Variants in PRICKLE2 observed in about 807,000 individuals in gnomAD.
PRICKLE2 encodes the protein prickle planar cell polarity protein 2.
In PRICKLE2, 21 loss-of-function variants were observed where a neutral mutation model predicts 81.4. The ratio of observed to expected loss-of-function variants is 0.26; its 90% CI spans 0.18 to 0.37. The LOEUF (loss-of-function observed/expected upper bound fraction) is 0.37. Among genes scored for constraint, PRICKLE2 ranks in the 10% least tolerant of loss-of-function variants. PRICKLE2 has a pLI of 1.00. For synonymous variants in PRICKLE2, 456 were observed against 421.5 expected (o/e 1.08, Z -1.00); for missense variants, 940 against 1,109.0 (o/e 0.85, Z 2.16).
At chr3:64,157,122 G>A (rs1009694309) in intron 5 of PRICKLE2, 40 bp downstream of exon 5, 1 of 1,569,788 alleles carries the variant, frequency 6.4e-7, no homozygotes, top group Non-Finnish European at 8.8e-7. Flanking sequence ...GTGCAATGAA[G>A]GGGTGATGGG....
chr3:64,095,504 A>C lies in PRICKLE2; in HGVS notation c.*3547T>G, dbSNP rs558971573. 1 of 152,262 alleles carries C rather than the reference A, an allele frequency of 6.6e-6. No individual in the cohort carries two copies. Among genetic ancestry groups the C allele is most frequent in the Admixed American group, 6.5e-5 (1 of 15,278 alleles). 9.4% of individuals were successfully genotyped at this position (152,262 alleles called of 1,614,324 possible). On this transcript the variant is annotated 3_prime_UTR_variant, in exon 8 of 8. Transcript: ENST00000638394. ...CTGCATCCACATTCTCAGCAAGAGT[A>C]TACAGTGATGCATTGGTTGTATCTG...
At chr3:64,178,995 C>CTTTCTTTCTTTA (rs2078074847) in intron 2 of PRICKLE2, among the ~76,000 whole-genome samples, 4 of 147,010 alleles carry the variant, frequency 2.7e-5, no homozygotes, top group Non-Finnish European at 4.5e-5. Flanking sequence ...TTCTTTCTTT[C>CTTTCTTTCTTTA]TTTCTTTCTT....
rs2078512615 is a variant in PRICKLE2, at chr3:64,198,840, A to G, written c.88T>C (p.Ser30Pro). 1.2e-6 allele frequency: 2 copies of G among 1,614,168 alleles called. No individual in the cohort carries two copies. The highest frequency in any genetic ancestry group is 1.7e-6 in the Non-Finnish European group (2 of 1,180,020). Residue 30 changes from serine to proline, a missense_variant, in exon 2 of 8, where the codon TCA becomes CCA. By Grantham distance (74) the Ser-to-Pro change is moderately conservative. Transcript: ENST00000638394. ...FQRNSTSDDD[S>P]GCALEEYAWV... ...GCATACTCTTCCAAAGCACAGCCTG[A>G]GTCATCATCTGAGGTCGAGTTCCTC...
Position 64,176,879 on chromosome 3 carries a change from G to A in PRICKLE2, c.145-13750C>T, listed in dbSNP as rs187191200. Among the ~76,000 whole-genome samples, 261 of 152,160 alleles carry A rather than the reference G, an allele frequency of 1.7e-3. 3 individuals are homozygous for A. The highest frequency in any genetic ancestry group is 2.9e-4 in the African/African-American group (12 of 41,522). On this transcript the variant is annotated intron_variant, in intron 2 of 7. Transcript: ENST00000638394. ...AATTCAGTCTTTCCAGTTCCAAAAC[G>A]CCAAAAGATCAGTGAAGGTAATATC...
chr3:64,202,939 C>G, intron 1 of PRICKLE2, among the ~76,000 whole-genome samples: 1 of 152,114 alleles, frequency 6.6e-6, no homozygotes, highest in East Asian at 1.9e-4. Flanking sequence ...AGGAAGTTCT[C>G]TTCTATGCTA....
chr3:64,145,347 T>G (rs2077431267), intron 7 of PRICKLE2: 1 of 143,960 alleles, frequency 6.9e-6, no homozygotes, highest in Non-Finnish European at 1.5e-5. Context: ...ATATATATTA[T>G]ATATGATATA....
At chr3:64,123,987 C>T (rs1035249304) in intron 7 of PRICKLE2, among the ~76,000 whole-genome samples, 8 of 152,142 alleles carry the variant, frequency 5.3e-5, no homozygotes, top group Non-Finnish European at 8.8e-5. Flanking sequence ...GAGGAAGACA[C>T]GTTGAAAGTC....
chr3:64,201,020 C>G lies in PRICKLE2; in HGVS notation c.-40-2053G>C, dbSNP rs1177703006. 2.0e-5 allele frequency: 3 copies of G among 151,532 alleles called. No homozygotes were observed. In the East Asian group the frequency reaches 5.9e-4, roughly 30 times the overall value. The allele number at this position is 151,532 out of a possible 1,614,324, so 9.4% of individuals were successfully genotyped here. A position where few individuals can be genotyped will look rare whatever the true frequency, so the allele number is the denominator to read the frequency against. Reference sequence around the variant, plus strand: ...TCTCGGCTCACTGCAAGCTCCACCTCCTGGGTTCGTGCCATTCTCATGCCT... The same window carrying G: ...TCTCGGCTCACTGCAAGCTCCACCTGCTGGGTTCGTGCCATTCTCATGCCT... On this transcript the variant is annotated intron_variant, in intron 1 of 7. Coordinates refer to ENST00000638394, the MANE Select transcript of PRICKLE2 (RefSeq NM_198859.4).
intron 2 of PRICKLE2, among the ~76,000 whole-genome samples, chr3:64,258,899 A>C (rs901127210): frequency 6.6e-6 from 1 of 151,152 alleles, no homozygotes; most frequent in African/African-American, 2.4e-5. Flanking sequence ...GAAAGAAATC[A>C]GGAGAGTGGT....
chr3:64,153,678 C>T (rs1203008941), intron 5 of PRICKLE2: 3 of 363,452 alleles, frequency 8.3e-6, no homozygotes, highest in South Asian at 2.8e-5. Context: ...CTCACAGGCA[C>T]ATTGGACATA....
chr3:64,173,981 G>A (rs1014250521), intron 2 of PRICKLE2, among the ~76,000 whole-genome samples: 4 of 152,138 alleles, frequency 2.6e-5, no homozygotes, highest in African/African-American at 9.7e-5. Context: ...TTTTCTCAAA[G>A]TAAAGAGGAT....
At chr3:64,216,797 C>T (rs1313621691) in intron 1 of PRICKLE2, among the ~76,000 whole-genome samples, 1 of 152,140 alleles carries the variant, frequency 6.6e-6, no homozygotes, top group Non-Finnish European at 1.5e-5. Flanking sequence ...GAGAGAGGAG[C>T]ACGTGAATTC....
At chr3:64,151,695 A>G (rs753562) in intron 6 of PRICKLE2, among the ~76,000 whole-genome samples, 73,530 of 152,018 alleles carry the variant, frequency 0.48, 18,568 homozygotes, top group Admixed American at 0.56. Flanking sequence ...AAGACATTGC[A>G]CCATTTTCCC....
intron 2 of PRICKLE2, among the ~76,000 whole-genome samples, chr3:64,264,946 C>T (rs971738944): frequency 6.6e-6 from 1 of 152,128 alleles, no homozygotes; most frequent in Non-Finnish European, 1.5e-5. Context: ...TTCTCAAAGG[C>T]CTCTGGGCTA....
intron 1 of PRICKLE2, among the ~76,000 whole-genome samples, chr3:64,207,258 T>C (rs1420419881): frequency 6.6e-6 from 1 of 152,160 alleles, no homozygotes; most frequent in Non-Finnish European, 1.5e-5. Context: ...ATTATACTTA[T>C]TATAAAGTTA....
Position 64,139,397 on chromosome 3 carries a change from C to T in PRICKLE2, c.1660+7433G>A, listed in dbSNP as rs185969253. Among the ~76,000 whole-genome samples the T allele has an allele frequency of 5.0e-4, 76 of 152,362 alleles. 1 individual carries two copies. In the East Asian group the frequency reaches 0.011, roughly 22 times the overall value. On this transcript the variant is annotated intron_variant, in intron 7 of 7. Transcript: ENST00000638394. ...TTTCCTCTGTCTCCCAGGACCCACT[C>T]CCCTTGGGACACTGTAAACCTCTGC...
chr3:64,183,605 A>G (rs529503808), intron 2 of PRICKLE2, among the ~76,000 whole-genome samples: 20 of 152,342 alleles, frequency 1.3e-4, no homozygotes, highest in South Asian at 1.2e-3. Flanking sequence ...AAAGGCAAAA[A>G]TTATGAAAGC....
chr3:64,148,110 A>C (rs761828638), intron 6 of PRICKLE2, among the ~76,000 whole-genome samples: 38 of 152,338 alleles, frequency 2.5e-4, no homozygotes, highest in African/African-American at 8.9e-4. Context: ...TTCACATGAG[A>C]AAGTAGAGGC....
chr3:64,244,166 T>C (rs2079311866), intron 2 of PRICKLE2, among the ~76,000 whole-genome samples: 1 of 152,184 alleles, frequency 6.6e-6, no homozygotes, highest in South Asian at 2.1e-4. Context: ...AGTTACCGTA[T>C]TTTGGCCTTG....
Sources: gnomAD v4.1 joint callset for allele counts (sites outside exome capture counted in the v4.1 genomes callset) on GRCh38, gnomAD v4.1.1 for gene constraint, MANE v1.5 for transcripts, NCBI Gene and HGNC (gene_info 2026-07-23, HGNC 2026-07-21) for gene names.